CNTNAP2: variants seen among roughly 807,000 people sequenced by gnomAD.
The protein encoded by CNTNAP2 is contactin-associated protein-like 2.
In CNTNAP2, 98 loss-of-function variants were observed where a neutral mutation model predicts 155.2. That is an observed-to-expected ratio of 0.63 (90% CI 0.54 to 0.75). CNTNAP2 has a LOEUF of 0.75. Ranked by LOEUF, CNTNAP2 falls within the 30% of genes least tolerant of loss-of-function variation. CNTNAP2 has a pLI of 0.00. For synonymous variants in CNTNAP2, 651 were observed against 631.2 expected, an observed-to-expected ratio of 1.03 and a Z score of -0.47; for missense variants, 1,727 against 1,688.1, an observed-to-expected ratio of 1.02 and a Z score of -0.40.
At chr7:146,690,217 T>A (rs1287910514) in intron 1 of CNTNAP2, among the ~76,000 whole-genome samples, 1 of 152,122 alleles carries the variant, frequency 6.6e-6, no homozygotes, top group Non-Finnish European at 1.5e-5. Flanking sequence ...GTACTAACCA[T>A]AATTGCATAA....
At chr7:146,653,389 C>G (rs574970684) in intron 1 of CNTNAP2, among the ~76,000 whole-genome samples, 1 of 152,228 alleles carries the variant, frequency 6.6e-6, no homozygotes, top group South Asian at 2.1e-4. Flanking sequence ...TAATAGCGAA[C>G]AAGACATTCA....
intron 8 of CNTNAP2, among the ~76,000 whole-genome samples, chr7:147,244,824 A>C (rs944877533): frequency 2.6e-5 from 4 of 152,220 alleles, no homozygotes; most frequent in African/African-American, 4.8e-5. Context: ...AATATAATGC[A>C]AAGAGATAGT....
At chr7:146,835,720 C>T (rs1440686765) in intron 2 of CNTNAP2, among the ~76,000 whole-genome samples, 1 of 152,072 alleles carries the variant, frequency 6.6e-6, no homozygotes, top group Admixed American at 6.6e-5. Flanking sequence ...GGATACACAT[C>T]CTGAGATGAA....
At chr7:146,206,042 TC>T (rs1238703598) in intron 1 of CNTNAP2, among the ~76,000 whole-genome samples, 4 of 151,948 alleles carry the variant, frequency 2.6e-5, no homozygotes, top group African/African-American at 9.6e-5. Flanking sequence ...TTCTGTTTTG[TC>T]GTATTTTACA....
rs559798203 is a variant in CNTNAP2, at chr7:146,655,707, A to G, written c.98-118564A>G. ...TATAGTACAACAGGTGTTTCTGACA[A>G]ATAGTATTGGAAAATGTATTGCTAT... is the stretch of plus-strand genomic sequence containing the variant. On this transcript the variant is annotated intron_variant, in intron 1 of 23. Transcript: ENST00000361727. Among the ~76,000 whole-genome samples the G allele has an allele frequency of 4.6e-5, 7 of 152,230 alleles. No homozygotes were observed. The South Asian group carries it at 1.5e-3, about 32-fold the overall frequency.
At chr7:148,309,979 T>C (rs1384400723) in intron 21 of CNTNAP2, among the ~76,000 whole-genome samples, 2 of 151,606 alleles carry the variant, frequency 1.3e-5, no homozygotes, top group Non-Finnish European at 2.9e-5. Context: ...GAACCTAGAG[T>C]GGGAGAGATT....
chr7:146,518,038 G>A (rs1361599422), intron 1 of CNTNAP2, among the ~76,000 whole-genome samples: 1 of 151,654 alleles, frequency 6.6e-6, no homozygotes, highest in Non-Finnish European at 1.5e-5. Context: ...CGCATAAGGT[G>A]GTACCCTGGC....
intron 2 of CNTNAP2, among the ~76,000 whole-genome samples, chr7:146,787,294 G>A (rs557283011): frequency 2.4e-4 from 37 of 152,260 alleles, no homozygotes; most frequent in African/African-American, 5.8e-4. Flanking sequence ...TTTTGGTCTC[G>A]CTGACTTCAA....
chr7:148,091,928 C>T (rs1337353262), intron 15 of CNTNAP2, among the ~76,000 whole-genome samples: 1 of 152,120 alleles, frequency 6.6e-6, no homozygotes, highest in African/African-American at 2.4e-5. Flanking sequence ...AACAACTTCC[C>T]TCGGGTTCCA....
intron 1 of CNTNAP2, among the ~76,000 whole-genome samples, chr7:146,610,538 G>A (rs181543789): frequency 5.3e-5 from 8 of 152,026 alleles, no homozygotes; most frequent in Admixed American, 6.6e-5. Flanking sequence ...AAAATATAGG[G>A]AATTCAGCAT....
At chr7:147,598,818 T>C (rs1435274347) in intron 12 of CNTNAP2, among the ~76,000 whole-genome samples, 1 of 152,042 alleles carries the variant, frequency 6.6e-6, no homozygotes, top group African/African-American at 2.4e-5. Flanking sequence ...TGATAGTGAG[T>C]GAGTTCTCAT....
chr7:146,340,707 T>C (rs2129096486), intron 1 of CNTNAP2, among the ~76,000 whole-genome samples: 1 of 152,296 alleles, frequency 6.6e-6, no homozygotes. Context: ...TCGGATCTAC[T>C]AAGATTCTTA....
chr7:148,264,455 A>C (rs1796630984), intron 20 of CNTNAP2, among the ~76,000 whole-genome samples: 1 of 152,174 alleles, frequency 6.6e-6, no homozygotes, highest in African/African-American at 2.4e-5. Flanking sequence ...ATTTTTATCG[A>C]CACAGAGCGA....
At chr7:147,942,523 G>A (rs776179170) in intron 14 of CNTNAP2, among the ~76,000 whole-genome samples, 2 of 152,122 alleles carry the variant, frequency 1.3e-5, no homozygotes, top group African/African-American at 2.4e-5. Flanking sequence ...TGATATTCCA[G>A]TCAACTACTC....
intron 4 of CNTNAP2, among the ~76,000 whole-genome samples, chr7:147,067,929 T>G (rs113220091): frequency 3.9e-5 from 6 of 152,214 alleles, no homozygotes; most frequent in Non-Finnish European, 8.8e-5. Flanking sequence ...TATTTTACTG[T>G]TTTTGTGGAC....
chr7:147,754,538 A>G (rs1039507282), intron 13 of CNTNAP2, among the ~76,000 whole-genome samples: 7 of 152,238 alleles, frequency 4.6e-5, no homozygotes, highest in Admixed American at 6.5e-5. Context: ...TGTAAAAACT[A>G]ATGCAATGAG....
chr7:148,217,772 C>T (rs999833638), intron 19 of CNTNAP2, among the ~76,000 whole-genome samples: 1 of 152,176 alleles, frequency 6.6e-6, no homozygotes. Flanking sequence ...TACAAGAATG[C>T]TGTTGCATGA....
chr7:146,505,075 G>A (rs1797362774), intron 1 of CNTNAP2, among the ~76,000 whole-genome samples: 1 of 152,152 alleles, frequency 6.6e-6, no homozygotes, highest in Non-Finnish European at 1.5e-5. Flanking sequence ...AAGCAAGCAT[G>A]CCATGGGTTT....
chr7:148,328,492 TTC>T (rs772575847), intron 21 of CNTNAP2, among the ~76,000 whole-genome samples: 31,152 of 120,260 alleles, frequency 0.26, 3,743 homozygotes, highest in Middle Eastern at 0.35. Context: ...TGTCTGTAGA[TTC>T]CATCTCTTGG....
Sources: gnomAD v4.1 joint callset for allele counts (sites outside exome capture counted in the v4.1 genomes callset) on GRCh38, gnomAD v4.1.1 for gene constraint, MANE v1.5 for transcripts, NCBI Gene and HGNC (gene_info 2026-07-23, HGNC 2026-07-21) for gene names.